The following KLHL13 variants were observed in gnomAD, a reference collection of about 807,000 sequenced individuals.
KLHL13 encodes kelch like family member 13, also known as kelch-like protein 13.
A neutral mutation model predicts 37.1 loss-of-function variants in KLHL13; 10 were observed. That is an observed-to-expected ratio of 0.27 (90% confidence interval 0.17 to 0.46). The LOEUF is 0.46. Among genes scored for constraint, KLHL13 ranks in the 20% least tolerant of loss-of-function variants. KLHL13 has a pLI of 1.00. For synonymous variants in KLHL13, 163 were observed against 181.2 expected, an observed-to-expected ratio of 0.90 and a Z score of 0.81; for missense variants, 360 against 509.3, an observed-to-expected ratio of 0.71 and a Z score of 2.82.
intron 2 of KLHL13, among the ~76,000 whole-genome samples, chrX:117,924,303 A>G (rs569510097): frequency 8.9e-6 from 1 of 112,130 alleles, no homozygotes; most frequent in South Asian, 3.7e-4. Context: ...AACACCTTTT[A>G]TTCTCTAATC....
chrX:117,954,007 A>AT (rs1933777133), intron 1 of KLHL13, among the ~76,000 whole-genome samples: 1 of 111,717 alleles, frequency 9.0e-6, no homozygotes, highest in Admixed American at 9.6e-5. Flanking sequence ...ATTTAAAAGA[A>AT]CACATTCTGA....
At chrX:117,926,881 ACTT>A (rs1932056587) in intron 2 of KLHL13, among the ~76,000 whole-genome samples, 1 of 39,933 alleles carries the variant, frequency 2.5e-5, no homozygotes, top group Non-Finnish European at 5.1e-5. Flanking sequence ...GAAGCCCCCT[ACTT>A]CTTTTTTTTT....
intron 1 of KLHL13, among the ~76,000 whole-genome samples, chrX:117,969,803 C>A (rs975345467): frequency 9.0e-6 from 1 of 111,601 alleles, no homozygotes; most frequent in Non-Finnish European, 1.9e-5. Context: ...GTGCTTTATA[C>A]TATATAAGAT....
At chrX:117,930,282 AAGGAAGGAAGGC>A (rs1454315710) in intron 2 of KLHL13, among the ~76,000 whole-genome samples, 24 of 90,250 alleles carry the variant, frequency 2.7e-4, no homozygotes, top group Non-Finnish European at 4.3e-4. Flanking sequence ...GGAAGGAAGG[AAGGAAGGAAGGC>A]AGGCAGGCAG....
Position 117,920,445 on chromosome X carries a change from T to C in KLHL13, c.241-75A>G. ...CAAATCTTCGTGTGCTAAAATTGTT[T>C]GAATATTAATGTGGTGCAACATATG... is the stretch of plus-strand genomic sequence containing the variant. On this transcript the variant is annotated intron_variant, in intron 2 of 6. Coordinates refer to ENST00000262820, the Ensembl canonical transcript of KLHL13. The C allele has an allele frequency of 5.9e-6, 6 of 1,013,587 alleles. No homozygotes were observed. In the South Asian group the frequency reaches 1.3e-4, roughly 21 times the overall value. The allele number at this position is 1,013,587 out of a possible 1,213,427, so 83.5% of individuals were successfully genotyped here.
intron 5 of KLHL13, 123 bp from the exon 7 acceptor site, chrX:117,902,069 T>C (rs1183157719): frequency 1.2e-5 from 5 of 414,202 alleles, no homozygotes; most frequent in East Asian, 3.9e-5. Flanking sequence ...ATAGCTATGA[T>C]AGATATGTGT....
chrX:117,972,928 C>T (rs1298764938), exon 1 of KLHL13: 31 of 1,114,182 alleles, frequency 2.8e-5, no homozygotes, highest in Non-Finnish European at 3.4e-5. Flanking sequence ...CAGTGGCTGC[C>T]GCGGAGAACA....
intron 2 of KLHL13, among the ~76,000 whole-genome samples, chrX:117,921,478 T>G (rs1260241105): frequency 1.8e-5 from 2 of 111,728 alleles, no homozygotes; most frequent in Non-Finnish European, 3.8e-5. Flanking sequence ...ATACAAAAAA[T>G]GAACATTTTG....
intron 2 of KLHL13, among the ~76,000 whole-genome samples, chrX:117,934,874 T>TA (rs372436229): frequency 3.5e-4 from 36 of 103,806 alleles, no homozygotes; most frequent in African/African-American, 6.6e-4. Flanking sequence ...GCCATAAGCA[T>TA]AAAAAAAAAA....
At chrX:117,906,671 AATATATT>A (rs1360787900) in intron 5 of KLHL13, among the ~76,000 whole-genome samples, 1 of 111,463 alleles carries the variant, frequency 9.0e-6, no homozygotes, top group Non-Finnish European at 1.9e-5. Flanking sequence ...TTAAACTTCC[AATATATT>A]ATATAATAAA....
intron 1 of KLHL13, among the ~76,000 whole-genome samples, chrX:118,087,627 T>C (rs2055070307): frequency 9.0e-6 from 1 of 111,462 alleles, no homozygotes; most frequent in Non-Finnish European, 1.9e-5. Context: ...TATGTATGCA[T>C]AGTACAAAAT....
intron 1 of KLHL13, among the ~76,000 whole-genome samples, chrX:118,056,438 T>A (rs1460228927): frequency 2.7e-5 from 3 of 111,525 alleles, no homozygotes; most frequent in African/African-American, 6.5e-5. Flanking sequence ...CTGACTTATT[T>A]GTAGAAACTG....
intron 1 of KLHL13, among the ~76,000 whole-genome samples, chrX:118,088,332 C>A (rs201884787): frequency 8.9e-6 from 1 of 111,773 alleles, no homozygotes; most frequent in East Asian, 2.8e-4. Flanking sequence ...ATAATGTATA[C>A]GTTAATCATT....
intron 1 of KLHL13, among the ~76,000 whole-genome samples, chrX:118,041,426 T>C (rs1326649886): frequency 2.7e-5 from 3 of 109,404 alleles, no homozygotes; most frequent in African/African-American, 6.7e-5. Flanking sequence ...ACTAGGGAGG[T>C]TGAGGTGGGT....
chrX:118,063,848 A>G (rs1439554794), intron 1 of KLHL13, among the ~76,000 whole-genome samples: 1 of 112,018 alleles, frequency 8.9e-6, no homozygotes, highest in Non-Finnish European at 1.9e-5. Context: ...TGATCAGACT[A>G]CTTACAAAGA....
At chrX:118,015,438 G>T (rs1256858897) in intron 1 of KLHL13, among the ~76,000 whole-genome samples, 1 of 111,126 alleles carries the variant, frequency 9.0e-6, no homozygotes, top group Non-Finnish European at 1.9e-5. Flanking sequence ...CTTTTAGTCT[G>T]GGACTCAGAA....
At chrX:117,935,657 T>C (rs1482461236) in intron 2 of KLHL13, among the ~76,000 whole-genome samples, 2 of 110,911 alleles carry the variant, frequency 1.8e-5, no homozygotes, top group African/African-American at 6.6e-5. Flanking sequence ...TGCTACACAC[T>C]TTCAAACAAC....
chrX:118,108,799 T>A (rs775169883), intron 1 of KLHL13, among the ~76,000 whole-genome samples: 10 of 111,589 alleles, frequency 9.0e-5, no homozygotes, highest in Non-Finnish European at 1.3e-4. Flanking sequence ...TAGCCTTTTT[T>A]AAAAATTTTT....
Position 118,087,346 on chromosome X carries a change from T to C in KLHL13, c.-56+29162A>G, listed in dbSNP as rs144392044. 8.1e-3 allele frequency among the ~76,000 whole-genome samples: 887 copies of C among 109,991 alleles called. 10 individuals are homozygous for C. The highest frequency in any genetic ancestry group is 0.026 in the African/African-American group (783 of 30,315). Reference sequence around the variant, plus strand: ...AAAATCTCCTTATACCGAGGTGACATCTAACTCTTTGAAACTTCTATCCAC... The same window carrying C: ...AAAATCTCCTTATACCGAGGTGACACCTAACTCTTTGAAACTTCTATCCAC... On this transcript the variant is annotated intron_variant, in intron 1 of 6. Transcript: ENST00000371882.
Sources: gnomAD v4.1 joint callset for allele counts (sites outside exome capture counted in the v4.1 genomes callset) on GRCh38, gnomAD v4.1.1 for gene constraint, MANE v1.5 for transcripts, NCBI Gene and HGNC (gene_info 2026-07-23, HGNC 2026-07-21) for gene names.